Variants in TMEM108 observed in about 807,000 individuals in gnomAD.
The protein encoded by TMEM108 is cancer/testis antigen 124.
TMEM108 carries 12 observed loss-of-function variants against 35.1 expected under a neutral mutation model. That is an observed-to-expected ratio of 0.34 (90% confidence interval 0.22 to 0.55). The LOEUF (loss-of-function observed/expected upper bound fraction) is 0.55. Among genes scored for constraint, TMEM108 ranks in the 20% least tolerant of loss-of-function variants. The probability of loss-of-function intolerance (pLI) is 0.89; values close to 1 mark genes in which losing one functional copy is unlikely to be tolerated. For synonymous variants in TMEM108, 287 were observed against 308.6 expected, an observed-to-expected ratio of 0.93 and a Z score of 0.73; for missense variants, 680 against 753.3, an observed-to-expected ratio of 0.90 and a Z score of 1.14.
intron 1 of TMEM108, among the ~76,000 whole-genome samples, chr3:133,038,652 G>A (rs1288411631): frequency 6.6e-6 from 1 of 152,222 alleles, no homozygotes; most frequent in Non-Finnish European, 1.5e-5. Flanking sequence ...CTGCCCGAGG[G>A]GAGTTGCCCA....
At chr3:133,097,759 T>C (rs545651643) in intron 2 of TMEM108, among the ~76,000 whole-genome samples, 1 of 152,348 alleles carries the variant, frequency 6.6e-6, no homozygotes, top group East Asian at 1.9e-4. Context: ...CTTTTGAGGA[T>C]GAGGTCTATT....
At position 133,396,814 on chromosome 3, in the gene TMEM108, C is replaced by T. The variant is rs2073312378; in HGVS notation, c.*828C>T. ...TGGAGCTTTAAAATGCTTGCCCTTCCTTCTTCAAGGATCAAATGTTTATTG... is the reference window on the plus strand; with the variant it reads ...TGGAGCTTTAAAATGCTTGCCCTTCTTTCTTCAAGGATCAAATGTTTATTG... On this transcript the variant is annotated 3_prime_UTR_variant, in exon 6 of 6. Coordinates refer to ENST00000321871, the MANE Select transcript of TMEM108 (RefSeq NM_023943.4). 6.6e-6 allele frequency: 1 copy of T among 152,258 alleles called. No individual in the cohort carries two copies. Among genetic ancestry groups the T allele is most frequent in the South Asian group, 2.1e-4 (1 of 4,814 alleles). 9.4% of individuals were successfully genotyped at this position (152,258 alleles called of 1,614,324 possible).
At chr3:133,167,599 G>A (rs1317895211) in intron 2 of TMEM108, among the ~76,000 whole-genome samples, 2 of 152,230 alleles carry the variant, frequency 1.3e-5, no homozygotes, top group Non-Finnish European at 2.9e-5. Context: ...GGCAGTGCTG[G>A]GGGACCTGGT....
At chr3:133,074,144 C>T (rs992534419) in intron 2 of TMEM108, among the ~76,000 whole-genome samples, 16 of 152,174 alleles carry the variant, frequency 1.1e-4, no homozygotes, top group Admixed American at 1.0e-3. Flanking sequence ...TGTTTAAAAT[C>T]ACAGGCACAG....
At chr3:133,238,482 G>A (rs1946270270) in intron 3 of TMEM108, among the ~76,000 whole-genome samples, 2 of 152,192 alleles carry the variant, frequency 1.3e-5, no homozygotes, top group East Asian at 3.9e-4. Context: ...GGAAACACAA[G>A]TATAGATAAA....
chr3:133,170,435 G>A (rs576192646), intron 2 of TMEM108, among the ~76,000 whole-genome samples: 3 of 152,260 alleles, frequency 2.0e-5, no homozygotes, highest in South Asian at 4.1e-4. Flanking sequence ...CTCAGCTAAG[G>A]TATGAGTGAA....
At chr3:133,244,110 G>A (rs1228287325) in intron 3 of TMEM108, among the ~76,000 whole-genome samples, 1 of 152,210 alleles carries the variant, frequency 6.6e-6, no homozygotes, top group African/African-American at 2.4e-5. Context: ...GGATCTCTCA[G>A]TCATTGGTTA....
intron 3 of TMEM108, among the ~76,000 whole-genome samples, chr3:133,374,751 TAAAAG>T (rs1448468779): frequency 1.3e-5 from 2 of 151,988 alleles, no homozygotes; most frequent in African/African-American, 2.4e-5. Context: ...ACTGGGTTGT[TAAAAG>T]AACACCAAAT....
rs967785806 is a variant in TMEM108, at chr3:133,346,674, T to C, written c.41-33078T>C. On this transcript the variant is annotated intron_variant, in intron 3 of 5. Transcript: ENST00000321871. This position sits in a 1 kb window ranked among gnomAD's most constrained non-coding sequence, Gnocchi z 4.0. ...TAAAGTCCAGCTTATCATTTTTTTC[T>C]TTCATAGGCTTTGCTTTTTGTGTTG... 9.9e-5 allele frequency among the ~76,000 whole-genome samples: 15 copies of C among 152,100 alleles called. No individual in the cohort carries two copies. Among genetic ancestry groups the C allele is most frequent in the African/African-American group, 3.6e-4 (15 of 41,452 alleles).
intron 2 of TMEM108, among the ~76,000 whole-genome samples, chr3:133,178,661 A>C (rs1945278300): frequency 6.6e-6 from 1 of 152,258 alleles, no homozygotes; most frequent in African/African-American, 2.4e-5. Context: ...AATTAATCCA[A>C]GGTGGATTAA....
At chr3:133,377,091 G>T (rs2072865721) in intron 3 of TMEM108, among the ~76,000 whole-genome samples, 1 of 152,142 alleles carries the variant, frequency 6.6e-6, no homozygotes, top group African/African-American at 2.4e-5. Flanking sequence ...TTCTTAAGAA[G>T]GACACCAGTC....
intron 3 of TMEM108, among the ~76,000 whole-genome samples, chr3:133,356,200 T>G (rs1370550463): frequency 6.6e-6 from 1 of 151,492 alleles, no homozygotes; most frequent in Non-Finnish European, 1.5e-5. Context: ...GAGAATCAAA[T>G]CAAGAACTCG....
At chr3:133,173,866 G>A (rs12054037) in intron 2 of TMEM108, among the ~76,000 whole-genome samples, 29,116 of 152,176 alleles carry the variant, frequency 0.19, 3,630 homozygotes, top group East Asian at 0.39. Context: ...AGTGTGAGCC[G>A]AAGCAGGGTG....
At chr3:133,058,470 T>C (rs9879280) in intron 2 of TMEM108, among the ~76,000 whole-genome samples, 60,617 of 152,168 alleles carry the variant, frequency 0.4, 12,821 homozygotes, top group Admixed American at 0.5. Context: ...CAGGTGTGCT[T>C]TCTCTGTCCA....
chr3:133,272,683 A>G (rs1403205617), intron 3 of TMEM108, among the ~76,000 whole-genome samples: 1 of 152,158 alleles, frequency 6.6e-6, no homozygotes, highest in East Asian at 1.9e-4. Context: ...ATGAGATACT[A>G]CTGAATCATA....
chr3:133,108,846 G>A (rs1350439806), intron 2 of TMEM108, among the ~76,000 whole-genome samples: 1 of 131,004 alleles, frequency 7.6e-6, no homozygotes, highest in Non-Finnish European at 1.6e-5. Context: ...GTGGGGTGAG[G>A]GTGGGGGGAG....
At chr3:133,061,513 G>A (rs536741628) in intron 2 of TMEM108, among the ~76,000 whole-genome samples, 3 of 152,134 alleles carry the variant, frequency 2.0e-5, no homozygotes, top group East Asian at 1.9e-4. Flanking sequence ...GTGCCCAGCC[G>A]GGCATGTCTC....
At chr3:133,279,222 T>C (rs1471473525) in intron 3 of TMEM108, among the ~76,000 whole-genome samples, 1 of 152,208 alleles carries the variant, frequency 6.6e-6, no homozygotes, top group Non-Finnish European at 1.5e-5. Flanking sequence ...GACGAAATCC[T>C]CTGTTCTACC....
chr3:133,366,983 G>C (rs1352074753), intron 3 of TMEM108, among the ~76,000 whole-genome samples: 3 of 152,196 alleles, frequency 2.0e-5, no homozygotes, highest in Non-Finnish European at 4.4e-5. Flanking sequence ...GCATCTGCTG[G>C]TAAAAAGCAT....
Sources: gnomAD v4.1 joint callset for allele counts (sites outside exome capture counted in the v4.1 genomes callset) on GRCh38, gnomAD v4.1.1 for gene constraint, Gnocchi (gnomAD v3.1) non-coding constraint, MANE v1.5 for transcripts, NCBI Gene and HGNC (gene_info 2026-07-23, HGNC 2026-07-21) for gene names.